EHBP1: variants seen among roughly 807,000 people sequenced by gnomAD.
EHBP1 encodes EH domain binding protein 1, also known as EH domain-binding protein 1.
EHBP1 carries 55 observed loss-of-function variants against 144.0 expected under a neutral mutation model. That is an observed-to-expected ratio of 0.38 (90% CI 0.31 to 0.48). EHBP1 has a LOEUF of 0.48. Among genes scored for constraint, EHBP1 ranks in the 20% least tolerant of loss-of-function variants. The pLI is 0.98. For missense variants in EHBP1, 1,200 were observed against 1,364.2 expected (o/e 0.88, Z 1.90); for synonymous variants, 469 against 472.7 (o/e 0.99, Z 0.10).
chr2:62,789,808 G>A (rs1420197418), intron 5 of EHBP1, among the ~76,000 whole-genome samples: 5 of 152,092 alleles, frequency 3.3e-5, no homozygotes, highest in African/African-American at 7.2e-5. Context: ...ATGAAACCTC[G>A]TGATGCTGTC....
At chr2:62,784,218 A>G (rs1269940404) in intron 5 of EHBP1, among the ~76,000 whole-genome samples, 1 of 152,218 alleles carries the variant, frequency 6.6e-6, no homozygotes, top group Admixed American at 6.5e-5. Flanking sequence ...GCAATTAACA[A>G]TATATGTTTC....
At chr2:62,682,740 T>C (rs1011970057) in intron 1 of EHBP1, among the ~76,000 whole-genome samples, 1 of 152,204 alleles carries the variant, frequency 6.6e-6, no homozygotes, top group African/African-American at 2.4e-5. Context: ...GAAGCTATAC[T>C]GCCTGACTCT....
chr2:62,771,577 T>TAAA, intron 5 of EHBP1, 185 bp downstream of exon 5: 1 of 481,106 alleles, frequency 2.1e-6, no homozygotes, highest in Non-Finnish European at 3.7e-6. Flanking sequence ...AGAAATGCTT[T>TAAA]TATTAACACT....
chr2:62,900,212 TGAA>T, intron 10 of EHBP1, among the ~76,000 whole-genome samples: 1 of 152,118 alleles, frequency 6.6e-6, no homozygotes, highest in Non-Finnish European at 1.5e-5. Context: ...AATAAAAAAA[TGAA>T]GACTAAATAT....
intron 12 of EHBP1, among the ~76,000 whole-genome samples, chr2:62,945,460 C>G (rs2057006320): frequency 6.6e-6 from 1 of 152,136 alleles, no homozygotes; most frequent in Non-Finnish European, 1.5e-5. Context: ...GATAGAAGTT[C>G]AATTAACAAG....
chr2:62,832,438 CTT>C (rs202005406), intron 7 of EHBP1, among the ~76,000 whole-genome samples: 13 of 117,802 alleles, frequency 1.1e-4, no homozygotes, highest in Non-Finnish European at 1.9e-4. Context: ...TTTCTTTTTT[CTT>C]TTTTTTTTTT....
chr2:62,906,867 T>C (rs189454223), intron 10 of EHBP1, among the ~76,000 whole-genome samples: 35 of 152,344 alleles, frequency 2.3e-4, no homozygotes, highest in African/African-American at 7.2e-4. Context: ...CAGGAATTTA[T>C]ACTTCAAGAA....
chr2:62,688,009 T>G (rs1287699169), intron 1 of EHBP1, among the ~76,000 whole-genome samples: 1 of 152,224 alleles, frequency 6.6e-6, no homozygotes, highest in Non-Finnish European at 1.5e-5. Context: ...ACAAGTAGAC[T>G]CTGGAAATTA....
intron 7 of EHBP1, among the ~76,000 whole-genome samples, chr2:62,851,337 A>C (rs1317510679): frequency 6.6e-6 from 1 of 152,168 alleles, no homozygotes; most frequent in East Asian, 1.9e-4. Context: ...TCCAATTTGC[A>C]GTTCTTCAAG....
intron 6 of EHBP1, among the ~76,000 whole-genome samples, chr2:62,830,177 CACACACACACACACACACAT>C (rs1410022873): frequency 1.8e-5 from 2 of 109,558 alleles, no homozygotes; most frequent in African/African-American, 6.5e-5. Context: ...CACACACACA[CACACACACACACACACACAT>C]ATATATACAC....
intron 5 of EHBP1, among the ~76,000 whole-genome samples, chr2:62,800,251 A>G (rs1448885860): frequency 6.6e-6 from 1 of 152,144 alleles, no homozygotes; most frequent in African/African-American, 2.4e-5. Flanking sequence ...AAAAAATCTC[A>G]TCTACCTCAT....
chr2:62,961,284 T>G lies in EHBP1; in HGVS notation c.2460+5624T>G, dbSNP rs572173170. The stretch of plus-strand genomic sequence containing the variant: ...TATTTTAGTGAATACTTGGTAAAAC[T>G]ACTTATTGCCTTTCAAGTCTTTTTT... On this transcript the variant is annotated intron_variant, in intron 14 of 22. Coordinates refer to ENST00000431489, the MANE Select transcript of EHBP1 (RefSeq NM_001142616.3). Among the ~76,000 whole-genome samples the G allele has an allele frequency of 1.2e-4, 18 of 152,376 alleles. No individual in the cohort carries two copies. In the East Asian group the frequency reaches 3.5e-3, roughly 29 times the overall value.
At chr2:62,963,190 A>C (rs1190563688) in intron 14 of EHBP1, among the ~76,000 whole-genome samples, 1 of 152,248 alleles carries the variant, frequency 6.6e-6, no homozygotes, top group African/African-American at 2.4e-5. Context: ...AAATGGCTTA[A>C]GAGAACTAAG....
chr2:62,674,169 G>C (rs938143188), intron 1 of EHBP1: 1 of 470,644 alleles, frequency 2.1e-6, no homozygotes, highest in East Asian at 6.9e-5. Flanking sequence ...ACTAGCAAAT[G>C]GTCCTTGATA....
intron 15 of EHBP1, among the ~76,000 whole-genome samples, chr2:62,989,737 C>A (rs1283272807): frequency 6.6e-6 from 1 of 152,102 alleles, no homozygotes; most frequent in Non-Finnish European, 1.5e-5. Context: ...AAACTAGAAT[C>A]TGGAAGCCCT....
intron 5 of EHBP1, among the ~76,000 whole-genome samples, chr2:62,803,384 C>G (rs1053999444): frequency 2.6e-5 from 4 of 152,184 alleles, no homozygotes; most frequent in African/African-American, 9.6e-5. Context: ...CAGGCTATAA[C>G]TGTTTATATT....
intron 10 of EHBP1, among the ~76,000 whole-genome samples, chr2:62,914,631 G>A (rs767947833): frequency 3.9e-5 from 6 of 151,994 alleles, no homozygotes; most frequent in African/African-American, 9.7e-5. Context: ...TCAGGGAAAG[G>A]ATTGGGAGTA....
Position 62,875,005 on chromosome 2 carries a change from T to C in EHBP1, c.1185+473T>C, listed in dbSNP as rs2050768860. ...TACCCTGCCCCCTCCAGTGCACACA[T>C]GTGTGCACCCTGCCACCCCGCCATT... On this transcript the variant is annotated intron_variant, in intron 10 of 22. Coordinates refer to ENST00000431489, the MANE Select transcript of EHBP1 (RefSeq NM_001142616.3). Among the ~76,000 whole-genome samples the C allele has an allele frequency of 2.0e-5, 3 of 151,726 alleles. No individual in the cohort carries two copies. The South Asian group carries it at 6.3e-4, about 32-fold the overall frequency.
chr2:62,721,485 G>A (rs2036218784), intron 2 of EHBP1, among the ~76,000 whole-genome samples: 1 of 152,218 alleles, frequency 6.6e-6, no homozygotes, highest in Non-Finnish European at 1.5e-5. Flanking sequence ...GGAGAATTAA[G>A]TTTCATCTCC....
Sources: allele counts gnomAD v4.1 joint callset (sites outside exome capture counted in the v4.1 genomes callset), GRCh38; gene constraint gnomAD v4.1.1; transcripts MANE v1.5; gene names NCBI Gene and HGNC (gene_info 2026-07-23, HGNC 2026-07-21).